PYM1: variants seen among roughly 807,000 people sequenced by gnomAD.
The protein encoded by PYM1 is partner of Y14 and mago.
Under a neutral mutation model 20.7 loss-of-function variants are expected in PYM1, and 7 were observed. That is an observed-to-expected ratio of 0.34 (90% CI 0.19 to 0.64). The LOEUF (loss-of-function observed/expected upper bound fraction) is 0.64. Among genes scored for constraint, PYM1 ranks in the 30% least tolerant of loss-of-function variants. The probability of loss-of-function intolerance (pLI) is 0.74; values close to 1 mark genes in which losing one functional copy is unlikely to be tolerated. For synonymous variants in PYM1, 100 were observed against 99.2 expected, an observed-to-expected ratio of 1.01 and a Z score of -0.05; for missense variants, 194 against 250.0, an observed-to-expected ratio of 0.78 and a Z score of 1.51.
intron 1 of PYM1, among the ~76,000 whole-genome samples, chr12:55,925,784 G>A (rs569185232): frequency 2.0e-5 from 3 of 152,216 alleles, no homozygotes; most frequent in Non-Finnish European, 2.9e-5. Context: ...AAGGTAAGAT[G>A]TGATACCTGG....
At chr12:55,922,584 T>G (rs1246802566) in intron 1 of PYM1, among the ~76,000 whole-genome samples, 1 of 151,684 alleles carries the variant, frequency 6.6e-6, no homozygotes, top group African/African-American at 2.4e-5. Context: ...ATCACCGCAC[T>G]CCAGTCTGGG....
chr12:55,918,815 C>T (rs1316069561), intron 1 of PYM1, among the ~76,000 whole-genome samples: 1 of 152,178 alleles, frequency 6.6e-6, no homozygotes, highest in East Asian at 1.9e-4. Flanking sequence ...TCGCACTGAG[C>T]CGAGATTGCA....
At position 55,901,714 on chromosome 12, in the gene PYM1, A is replaced by T; in HGVS notation, c.*158T>A. 9.5e-7 allele frequency: 1 copy of T among 1,048,450 alleles called. No homozygotes were observed. The highest frequency in any genetic ancestry group is 1.4e-6 in the Non-Finnish European group (1 of 730,044). 64.9% of individuals were successfully genotyped at this position (1,048,450 alleles called of 1,614,324 possible). On this transcript the variant is annotated 3_prime_UTR_variant, in exon 3 of 3. Coordinates refer to ENST00000408946, the MANE Select transcript of PYM1 (RefSeq NM_032345.3). ...AGTTGGGAAGAAAAGGGAAGGATTG[A>T]GGGAGACGCTAGGCTCTGGAGGACA...
rs1169405984 is a variant in PYM1, at chr12:55,902,053, G to A, written c.434C>T (p.Ala145Val). The A allele has an allele frequency of 6.2e-7, 1 of 1,614,026 alleles. No individual in the cohort carries two copies. Among genetic ancestry groups the A allele is most frequent in the Non-Finnish European group, 8.5e-7 (1 of 1,180,034 alleles). Residue 145 changes from alanine to valine, a missense_variant, in exon 3 of 3, where the codon GCT becomes GTT. Physicochemically the swap from Ala to Val is moderately conservative, Grantham distance 64 (BLOSUM62 0). Around this residue, in one of 3 missense-constraint regions of PYM1, gnomAD observed 158 missense variants for 179.0 expected, o/e 0.88. Transcript: ENST00000408946. The stretch of plus-strand genomic sequence containing the variant: ...CTTCTTGGCTTTCTCAGTGGTGGCA[G>A]CTGAGTCAGGCTGGTCAGATGCAGC... ...PTAASDQPDS[A>V]ATTEKAKKIK... is the part of the protein sequence containing the mutation.
chr12:55,914,306 G>T, intron 1 of PYM1: 1 of 702,320 alleles, frequency 1.4e-6, no homozygotes, highest in South Asian at 1.5e-5. Context: ...TCCATCCTCT[G>T]GCCTTGATGG....
At chr12:55,908,639 A>G (rs1882867107) in intron 1 of PYM1, among the ~76,000 whole-genome samples, 1 of 151,704 alleles carries the variant, frequency 6.6e-6, no homozygotes, top group Non-Finnish European at 1.5e-5. Context: ...ATCACCTGAG[A>G]TCAGGAGTTC....
At chr12:55,902,446 A>G (rs1427475150) in intron 2 of PYM1, 91 bp from the exon 3 acceptor site, 4 of 1,479,190 alleles carry the variant, frequency 2.7e-6, no homozygotes, top group African/African-American at 1.4e-5. Flanking sequence ...TCCTCATTAC[A>G]TTCTTGCTTC....
chr12:55,905,162 T>C (rs914387343), intron 1 of PYM1, among the ~76,000 whole-genome samples: 209 of 149,082 alleles, frequency 1.4e-3, no homozygotes, highest in African/African-American at 4.8e-3. Context: ...CCACCACACC[T>C]GGCTAATTTT....
intron 1 of PYM1, among the ~76,000 whole-genome samples, chr12:55,908,428 C>CAA (rs202205606): frequency 1.2e-5 from 1 of 81,296 alleles, no homozygotes; most frequent in Non-Finnish European, 2.5e-5. Flanking sequence ...AAATCTTTCT[C>CAA]AAAAAAAAAA....
At chr12:55,902,987 T>C (rs1214277387) in intron 2 of PYM1, among the ~76,000 whole-genome samples, 1 of 152,138 alleles carries the variant, frequency 6.6e-6, no homozygotes, top group Non-Finnish European at 1.5e-5. Context: ...TTCACCACTT[T>C]GGGGAGGCTG....
At chr12:55,908,126 C>G (rs1341275461) in intron 1 of PYM1, among the ~76,000 whole-genome samples, 1 of 151,608 alleles carries the variant, frequency 6.6e-6, no homozygotes, top group Non-Finnish European at 1.5e-5. Flanking sequence ...GCCTTTAATC[C>G]CAGCTACTTG....
intron 1 of PYM1, chr12:55,927,139 G>T (rs776822966): frequency 6.4e-7 from 1 of 1,551,328 alleles, no homozygotes; most frequent in Non-Finnish European, 8.7e-7. Flanking sequence ...TCCGGCGTGA[G>T]CGGGCTGGGG....
chr12:55,927,026 C>T lies in PYM1; in HGVS notation c.37+699G>A, dbSNP rs1341656413. On this transcript the variant is annotated intron_variant, in intron 1 of 2. Coordinates refer to ENST00000408946, the MANE Select transcript of PYM1 (RefSeq NM_032345.3). ...CACAGACCCCTTTCCAAGTCCGAAC[C>T]CCTGCCCCGAGAGCCCGGAGAGAAG... 4 of 1,486,168 alleles carry T rather than the reference C, an allele frequency of 2.7e-6. No homozygotes were observed. The East Asian group carries it at 1.0e-4, about 37-fold the overall frequency. 92.1% of individuals were successfully genotyped at this position (1,486,168 alleles called of 1,614,324 possible). A position where few individuals can be genotyped will look rare whatever the true frequency, so the allele number is the denominator to read the frequency against.
At chr12:55,927,182 C>G (rs1195138337) in intron 1 of PYM1, 5 of 1,548,440 alleles carry the variant, frequency 3.2e-6, no homozygotes, top group South Asian at 1.2e-5. Flanking sequence ...AGTGGAGTCC[C>G]GATCGTAGCA....
Position 55,902,245 on chromosome 12 carries a change from G to T in PYM1, c.242C>A (p.Pro81Gln). The T allele has an allele frequency of 6.2e-7, 1 of 1,614,152 alleles. No individual in the cohort carries two copies. The highest frequency in any genetic ancestry group is 1.3e-5 in the African/African-American group (1 of 75,034). Residue 81 changes from proline to glutamine, a missense_variant, in exon 3 of 3, where the codon CCA (proline) becomes CAA (glutamine). By Grantham distance (76) the Pro-to-Gln change is moderately conservative (BLOSUM62 -1). Transcript: ENST00000408946. ...VTPSRPEGGE[P>Q]GLSKTAKRNL... ...ACGTTTGGCTGTCTTGGAGAGGCCT[G>T]GTTCACCACCTTCAGGCCTGGATGG...
Position 55,927,863 on chromosome 12 carries a change from T to C in PYM1, c.-102A>G. On this transcript the variant is annotated 5_prime_UTR_variant, in exon 1 of 3. Coordinates refer to ENST00000408946, the MANE Select transcript of PYM1 (RefSeq NM_032345.3). ...GGCGGCGAAGTGATGAGGGCCCTAG[T>C]TGCTTCTCGCCCAGACCTCCTAACC... 1 of 1,444,694 alleles carries C rather than the reference T, an allele frequency of 6.9e-7. No homozygotes were observed. Among genetic ancestry groups the C allele is most frequent in the Non-Finnish European group, 9.3e-7 (1 of 1,080,548 alleles). 89.5% of individuals were successfully genotyped at this position (1,444,694 alleles called of 1,614,324 possible).
chr12:55,925,102 G>A (rs764473397), intron 1 of PYM1, among the ~76,000 whole-genome samples: 1 of 152,172 alleles, frequency 6.6e-6, no homozygotes, highest in Non-Finnish European at 1.5e-5. Flanking sequence ...GCCTAGAAGC[G>A]GAAGCCAAGA....
chr12:55,908,884 G>A (rs1024830259), intron 1 of PYM1, among the ~76,000 whole-genome samples: 2 of 152,016 alleles, frequency 1.3e-5, no homozygotes, highest in Non-Finnish European at 2.9e-5. Context: ...AAAAAAAGTT[G>A]TTAAAGGCAA....
At chr12:55,917,592 AAC>A (rs1200811694) in intron 1 of PYM1, among the ~76,000 whole-genome samples, 1 of 152,176 alleles carries the variant, frequency 6.6e-6, no homozygotes, top group African/African-American at 2.4e-5. Context: ...GTAGGAGCTA[AAC>A]ACTGGGTACT....
Sources: allele counts gnomAD v4.1 joint callset (sites outside exome capture counted in the v4.1 genomes callset), GRCh38; gene constraint gnomAD v4.1.1; regional missense constraint gnomAD v4.1.1; transcripts MANE v1.5; gene names NCBI Gene and HGNC (gene_info 2026-07-23, HGNC 2026-07-21).